Variants in KLRG1 observed in about 807,000 individuals in gnomAD.
KLRG1 encodes killer cell lectin-like receptor subfamily G member 1.
KLRG1 carries 16 observed loss-of-function variants against 21.8 expected under a neutral mutation model. The ratio of observed to expected loss-of-function variants is 0.73; its 90% confidence interval spans 0.50 to 1.11. The LOEUF (loss-of-function observed/expected upper bound fraction) is 1.11. Ranked by LOEUF, KLRG1 falls within the 50% of genes most tolerant of loss-of-function variation. KLRG1 has a pLI of 0.00. For missense variants in KLRG1, 173 were observed against 218.3 expected (o/e 0.79, Z 1.31); for synonymous variants, 69 against 75.9 (o/e 0.91, Z 0.47).
At chr12:9,203,917 T>C in the KLRG1 span, 4 of 1,613,834 alleles carry the variant, frequency 2.5e-6, no homozygotes, top group South Asian at 1.1e-5. Flanking sequence ...GGGGCCTCAG[T>C]GTGGAGCAGG....
the KLRG1 span, among the ~76,000 whole-genome samples, chr12:9,198,059 T>C: frequency 6.7e-6 from 1 of 148,210 alleles, no homozygotes; most frequent in Non-Finnish European, 1.5e-5. Flanking sequence ...TATATATATA[T>C]GTTTTTCCTT....
chr12:9,190,734 G>C, the KLRG1 span, among the ~76,000 whole-genome samples: 1 of 152,214 alleles, frequency 6.6e-6, no homozygotes. Flanking sequence ...TAAAATTTGA[G>C]AAGATTTCAT....
chr12:9,180,087 C>T, the KLRG1 span, among the ~76,000 whole-genome samples: 1 of 152,050 alleles, frequency 6.6e-6, no homozygotes, highest in Non-Finnish European at 1.5e-5. Flanking sequence ...GCAAGTGGTA[C>T]GTATTTTTAC....
the KLRG1 span, among the ~76,000 whole-genome samples, chr12:9,061,626 C>T: frequency 2.0e-5 from 3 of 151,940 alleles, no homozygotes; most frequent in Non-Finnish European, 1.5e-5. Flanking sequence ...CCAGCCTGGG[C>T]AGCATAGCGA....
chr12:9,126,573 C>G, the KLRG1 span, among the ~76,000 whole-genome samples: 4 of 152,174 alleles, frequency 2.6e-5, no homozygotes, highest in African/African-American at 7.2e-5. Context: ...TACAGGGACT[C>G]CAGGTCTTTC....
the KLRG1 span, chr12:9,072,898 C>A: frequency 5.7e-6 from 9 of 1,591,138 alleles, no homozygotes; most frequent in Middle Eastern, 1.8e-4. Flanking sequence ...AGTGAGAGAA[C>A]CCATTGGGCA....
the KLRG1 span, chr12:9,058,253 G>A: frequency 1.3e-5 from 2 of 152,070 alleles, no homozygotes; most frequent in South Asian, 4.2e-4. Context: ...TATCTATCTA[G>A]CTATCTCTCT....
chr12:8,967,254 G>A (rs935525938), intron 1 of KLRG1, among the ~76,000 whole-genome samples: 1 of 151,560 alleles, frequency 6.6e-6, no homozygotes, highest in African/African-American at 2.4e-5. Flanking sequence ...TTTAATGGGT[G>A]CAGCACACCA....
chr12:9,151,475 A>G, the KLRG1 span: 2 of 643,318 alleles, frequency 3.1e-6, no homozygotes, highest in Non-Finnish European at 5.2e-6. Context: ...TTCTTCTTGG[A>G]ATAGATAAAC....
At chr12:9,001,277 A>G (rs1362868377) in intron 3 of KLRG1, among the ~76,000 whole-genome samples, 1 of 152,204 alleles carries the variant, frequency 6.6e-6, no homozygotes, top group Non-Finnish European at 1.5e-5. Context: ...TTTGCTTTAA[A>G]TACTTCACCT....
chr12:8,951,242 G>A (rs1053994333), intron 1 of KLRG1, among the ~76,000 whole-genome samples: 4 of 152,046 alleles, frequency 2.6e-5, no homozygotes, highest in African/African-American at 9.7e-5. Context: ...GGATTCCGGG[G>A]CAGAAGGATC....
intron 3 of KLRG1, among the ~76,000 whole-genome samples, chr12:8,998,932 G>T (rs1947224794): frequency 1.3e-5 from 2 of 152,096 alleles, no homozygotes; most frequent in South Asian, 4.1e-4. Context: ...TGTTGCCCAG[G>T]CTGGTCTTGA....
At chr12:9,142,329 CAA>C in the KLRG1 span, among the ~76,000 whole-genome samples, 1 of 152,242 alleles carries the variant, frequency 6.6e-6, no homozygotes, top group African/African-American at 2.4e-5. Context: ...ATTACACAAG[CAA>C]AGATTATTCT....
At chr12:8,975,377 A>G (rs999663316) in intron 1 of KLRG1, among the ~76,000 whole-genome samples, 27 of 152,192 alleles carry the variant, frequency 1.8e-4, no homozygotes, top group African/African-American at 6.5e-4. Flanking sequence ...AGTTATTCTC[A>G]ATTCAGTTTC....
the KLRG1 span, among the ~76,000 whole-genome samples, chr12:9,027,345 A>T: frequency 2.0e-5 from 3 of 152,134 alleles, no homozygotes; most frequent in Non-Finnish European, 4.4e-5. Flanking sequence ...CTGTTATACA[A>T]TTAGTCACAA....
chr12:9,080,287 G>GA, the KLRG1 span: 10 of 596,020 alleles, frequency 1.7e-5, no homozygotes, highest in African/African-American at 1.7e-4. Context: ...AACTCCTCCT[G>GA]AAAAGTTGTC....
the KLRG1 span, chr12:9,111,541 T>C: frequency 2.2e-6 from 1 of 456,454 alleles, no homozygotes; most frequent in Admixed American, 2.3e-5. Context: ...GCCAACATGA[T>C]TTTCCAGTGA....
chr12:9,005,673 T>C (rs762069155), intron 3 of KLRG1, among the ~76,000 whole-genome samples: 1 of 152,298 alleles, frequency 6.6e-6, no homozygotes, highest in South Asian at 2.1e-4. Context: ...AGCAATGGTC[T>C]CCAAGATGTT....
At chr12:9,017,022 CAGGG>C in the KLRG1 span, among the ~76,000 whole-genome samples, 8 of 151,868 alleles carry the variant, frequency 5.3e-5, no homozygotes, top group Non-Finnish European at 7.4e-5. Context: ...AAATTTCAAA[CAGGG>C]AGGCCAAGGC....
Sources: gnomAD v4.1 joint callset for allele counts (sites outside exome capture counted in the v4.1 genomes callset) on GRCh38, gnomAD v4.1.1 for gene constraint, MANE v1.5 for transcripts, NCBI Gene and HGNC (gene_info 2026-07-23, HGNC 2026-07-21) for gene names.